The following XIRP2 variants were observed in gnomAD, a reference collection of about 807,000 sequenced individuals.
The protein encoded by XIRP2 is xin actin-binding repeat-containing protein 2.
XIRP2 carries 236 observed loss-of-function variants against 277.0 expected under a neutral mutation model. The ratio of observed to expected loss-of-function variants is 0.85; its 90% CI spans 0.77 to 0.95. XIRP2 has a LOEUF of 0.95. XIRP2 is among the 40% of genes least tolerant of loss of function. The pLI is 0.00. For synonymous variants in XIRP2, 1,490 were observed against 1,416.5 expected, an observed-to-expected ratio of 1.05 and a Z score of -1.17; for missense variants, 4,640 against 4,157.5, an observed-to-expected ratio of 1.12 and a Z score of -3.19.
Position 167,259,110 on chromosome 2 carries a change from A to G in XIRP2, c.*1293A>G, listed in dbSNP as rs778348282. The G allele has an allele frequency of 1.2e-6, 2 of 1,611,626 alleles. No homozygotes were observed. The highest frequency in any genetic ancestry group is 1.7e-6 in the Non-Finnish European group (2 of 1,178,240). On this transcript the variant is annotated 3_prime_UTR_variant, in exon 11 of 11. Coordinates refer to ENST00000409195, the MANE Select transcript of XIRP2 (RefSeq NM_152381.6). Reference sequence around the variant, plus strand: ...TCCAAGAAAAATGAGAACATTTTCAATTGTGATTTAATAGATTCTGTAGAT... The same window carrying G: ...TCCAAGAAAAATGAGAACATTTTCAGTTGTGATTTAATAGATTCTGTAGAT...
At chr2:167,043,067 C>G (rs1688699919) in intron 2 of XIRP2, among the ~76,000 whole-genome samples, 1 of 151,888 alleles carries the variant, frequency 6.6e-6, no homozygotes, top group African/African-American at 2.4e-5. Context: ...GTTAAACAAC[C>G]TGCTTCTGAA....
chr2:167,258,331 T>C lies in XIRP2; in HGVS notation c.*514T>C, dbSNP rs754215837. The C allele has an allele frequency of 4.3e-6, 7 of 1,613,226 alleles. No individual in the cohort carries two copies. The East Asian group carries it at 1.3e-4, about 31-fold the overall frequency. On this transcript the variant is annotated 3_prime_UTR_variant, in exon 11 of 11. Transcript: ENST00000409195. ...CAGAAAATAAAGGACAAAGACAAGATCACTTTCCATTTTTGCAGCCTTATC... is the reference window on the plus strand; with the variant it reads ...CAGAAAATAAAGGACAAAGACAAGACCACTTTCCATTTTTGCAGCCTTATC...
Position 167,243,826 on chromosome 2 carries a change from T to C in XIRP2, c.2434T>C (p.Phe812Leu), listed in dbSNP as rs766604124. 6.2e-6 allele frequency: 10 copies of C among 1,613,884 alleles called. No homozygotes were observed. The South Asian group carries it at 7.7e-5, about 12-fold the overall frequency. Residue 812 changes from phenylalanine (F) to leucine (L), a missense_variant, in exon 9 of 11, where the codon TTT becomes CTT. Coordinates refer to ENST00000409195, the MANE Select transcript of XIRP2 (RefSeq NM_152381.6). Reference sequence around the variant, plus strand: ...TGGGGTGAGTAAGGCAAAGTGGTTATTTGAAACCCAACCTTTGGAGAAAAT... The same window carrying C: ...TGGGGTGAGTAAGGCAAAGTGGTTACTTGAAACCCAACCTTTGGAGAAAAT... ...KGGVSKAKWL[F>L]ETQPLEKIKE...
chr2:167,195,735 A>G (rs1251235760), intron 3 of XIRP2, among the ~76,000 whole-genome samples: 1 of 152,218 alleles, frequency 6.6e-6, no homozygotes, highest in Non-Finnish European at 1.5e-5. Context: ...GAAAATCACA[A>G]GATCAGAAAT....
At chr2:166,906,461 T>C (rs1355092897) in intron 2 of XIRP2, among the ~76,000 whole-genome samples, 1 of 152,106 alleles carries the variant, frequency 6.6e-6, no homozygotes, top group Non-Finnish European at 1.5e-5. Flanking sequence ...TGTATGTGTA[T>C]GTATATTTAC....
intron 5 of XIRP2, among the ~76,000 whole-genome samples, chr2:167,236,632 C>G (rs1218087696): frequency 6.6e-6 from 1 of 151,902 alleles, no homozygotes; most frequent in East Asian, 1.9e-4. Context: ...ATGATTTTTC[C>G]CAAGATTATA....
At chr2:166,933,907 C>G (rs955069437) in intron 2 of XIRP2, among the ~76,000 whole-genome samples, 1 of 151,676 alleles carries the variant, frequency 6.6e-6, no homozygotes, top group Non-Finnish European at 1.5e-5. Context: ...GTTGACTATT[C>G]CAGTGTTGTT....
chr2:167,103,581 G>A (rs1370261067), intron 2 of XIRP2, among the ~76,000 whole-genome samples: 3 of 152,252 alleles, frequency 2.0e-5, no homozygotes, highest in Non-Finnish European at 2.9e-5. Flanking sequence ...ACCAATCTGC[G>A]GCAATGCTCT....
chr2:167,128,637 A>T (rs972886052), intron 2 of XIRP2, among the ~76,000 whole-genome samples: 1 of 152,180 alleles, frequency 6.6e-6, no homozygotes, highest in African/African-American at 2.4e-5. Flanking sequence ...ATGTATCTAA[A>T]GCACAAATCT....
chr2:167,022,718 C>T (rs371663708), intron 2 of XIRP2, among the ~76,000 whole-genome samples: 4 of 151,916 alleles, frequency 2.6e-5, no homozygotes, highest in African/African-American at 4.8e-5. Flanking sequence ...TTTGTCCTTG[C>T]GGTAGTTTAC....
At chr2:167,079,952 G>T (rs1045754188) in intron 2 of XIRP2, among the ~76,000 whole-genome samples, 1 of 150,462 alleles carries the variant, frequency 6.6e-6, no homozygotes, top group African/African-American at 2.4e-5. Flanking sequence ...TGTTATTGTT[G>T]TTTTTCCACT....
At chr2:167,104,679 G>A (rs1173481411) in intron 2 of XIRP2, among the ~76,000 whole-genome samples, 1 of 151,960 alleles carries the variant, frequency 6.6e-6, no homozygotes, top group Non-Finnish European at 1.5e-5. Flanking sequence ...TTATTTTACT[G>A]TTGCTTATTT....
chr2:167,006,633 A>G (rs1308870084), intron 2 of XIRP2, among the ~76,000 whole-genome samples: 2 of 151,752 alleles, frequency 1.3e-5, no homozygotes, highest in Non-Finnish European at 1.5e-5. Flanking sequence ...ATTTATAGCC[A>G]GAGAAGAACA....
intron 2 of XIRP2, among the ~76,000 whole-genome samples, chr2:167,051,291 T>G (rs1033908081): frequency 6.6e-6 from 1 of 152,142 alleles, no homozygotes; most frequent in Non-Finnish European, 1.5e-5. Flanking sequence ...CCTTACCATT[T>G]ACAGTGTGTC....
chr2:166,944,056 C>G (rs1483846505), intron 2 of XIRP2, among the ~76,000 whole-genome samples: 1 of 152,156 alleles, frequency 6.6e-6, no homozygotes, highest in African/African-American at 2.4e-5. Flanking sequence ...TGAATTGTTT[C>G]CCAACAGAAA....
At chr2:167,050,592 G>A (rs2105534014) in intron 2 of XIRP2, among the ~76,000 whole-genome samples, 1 of 152,104 alleles carries the variant, frequency 6.6e-6, no homozygotes, top group Middle Eastern at 3.4e-3. Flanking sequence ...GGGAAGAGAA[G>A]TCCTAGGATC....
At chr2:166,997,674 AG>A in intron 2 of XIRP2, among the ~76,000 whole-genome samples, 1 of 152,250 alleles carries the variant, frequency 6.6e-6, no homozygotes, top group East Asian at 1.9e-4. Context: ...TGGGAGGCTG[AG>A]GCAGGTAGAT....
chr2:166,955,887 T>G (rs1301250738), intron 2 of XIRP2, among the ~76,000 whole-genome samples: 1 of 151,678 alleles, frequency 6.6e-6, no homozygotes, highest in Non-Finnish European at 1.5e-5. Flanking sequence ...ACCACTTTCC[T>G]CTCTTATGTC....
chr2:167,228,449 T>C (rs1438291300), intron 5 of XIRP2, among the ~76,000 whole-genome samples: 1 of 152,100 alleles, frequency 6.6e-6, no homozygotes, highest in East Asian at 1.9e-4. Context: ...CAATCCACAA[T>C]GTGAAGACAC....
Sources: allele counts gnomAD v4.1 joint callset (sites outside exome capture counted in the v4.1 genomes callset), GRCh38; gene constraint gnomAD v4.1.1; transcripts MANE v1.5; gene names NCBI Gene and HGNC (gene_info 2026-07-23, HGNC 2026-07-21).